Variants in CA13 observed in about 807,000 individuals in gnomAD.
The protein encoded by CA13 is carbonic anhydrase 13, also known as CA-XIII.
A neutral mutation model predicts 31.5 loss-of-function variants in CA13; 21 were observed. The ratio of observed to expected loss-of-function variants is 0.67; its 90% CI spans 0.47 to 0.96. The LOEUF (loss-of-function observed/expected upper bound fraction) is 0.96. Among genes scored for constraint, CA13 ranks in the 40% least tolerant of loss-of-function variants. The probability of loss-of-function intolerance (pLI) is 0.00; values close to 1 mark genes in which losing one functional copy is unlikely to be tolerated. For missense variants in CA13, 315 were observed against 318.9 expected, an observed-to-expected ratio of 0.99 and a Z score of 0.09; for synonymous variants, 117 against 111.4, an observed-to-expected ratio of 1.05 and a Z score of -0.32.
intron 6 of CA13, among the ~76,000 whole-genome samples, chr8:85,279,668 A>G (rs913358489): frequency 3.9e-5 from 6 of 152,158 alleles, no homozygotes; most frequent in African/African-American, 1.4e-4. Context: ...TCTTCAGAAG[A>G]ATCAGCGGTA....
chr8:85,249,793 A>G (rs1420940076), intron 1 of CA13: 1 of 445,698 alleles, frequency 2.2e-6, no homozygotes, highest in Non-Finnish European at 4.5e-6. Flanking sequence ...CTATAAAGTG[A>G]CTCACATCTG....
intron 4 of CA13, 79 bp downstream of exon 4, chr8:85,266,782 A>C (rs1386331082): frequency 9.9e-7 from 1 of 1,014,110 alleles, no homozygotes; most frequent in African/African-American, 1.6e-5. Context: ...ACATTCAACC[A>C]TCTTGTTTAA....
At chr8:85,265,849 A>G (rs1807448815) in intron 3 of CA13, among the ~76,000 whole-genome samples, 1 of 152,266 alleles carries the variant, frequency 6.6e-6, no homozygotes, top group Non-Finnish European at 1.5e-5. Flanking sequence ...GCTACTTAAC[A>G]TGATTACATG....
chr8:85,246,017 G>C (rs560449703), intron 1 of CA13, 152 bp downstream of exon 1: 164 of 885,672 alleles, frequency 1.9e-4, no homozygotes, highest in Admixed American at 3.0e-4. Context: ...TGGGAGCCCA[G>C]TGCGAGAAGC....
At position 85,283,780 on chromosome 8, in the gene CA13, C is replaced by T. The variant is rs1807741536; in HGVS notation, c.*2431C>T. The T allele has an allele frequency of 2.0e-5, 3 of 152,618 alleles. No homozygotes were observed. The highest frequency in any genetic ancestry group is 7.2e-5 in the African/African-American group (3 of 41,444). 9.5% of individuals were successfully genotyped at this position (152,618 alleles called of 1,614,324 possible). ...ACTACTTTGTAACTTATGGTTTCTGCTTCAGTATTGTGTTGGTTCTGTATT... is the reference window on the plus strand; with the variant it reads ...ACTACTTTGTAACTTATGGTTTCTGTTTCAGTATTGTGTTGGTTCTGTATT... On this transcript the variant is annotated 3_prime_UTR_variant, in exon 7 of 7. Transcript: ENST00000321764.
At chr8:85,256,371 C>T (rs79171877) in intron 2 of CA13, among the ~76,000 whole-genome samples, 2 of 152,190 alleles carry the variant, frequency 1.3e-5, no homozygotes, top group African/African-American at 4.8e-5. Flanking sequence ...AAAAAGATAT[C>T]AAAAAGAAAG....
At chr8:85,263,459 C>T (rs764831138) in intron 3 of CA13, among the ~76,000 whole-genome samples, 1 of 152,150 alleles carries the variant, frequency 6.6e-6, no homozygotes, top group Non-Finnish European at 1.5e-5. Context: ...TTATGGAAGT[C>T]ATTCAAGTGA....
intron 1 of CA13, among the ~76,000 whole-genome samples, chr8:85,249,612 C>T (rs892557360): frequency 2.0e-5 from 3 of 151,604 alleles, no homozygotes; most frequent in Admixed American, 6.6e-5. Context: ...TTTTGGTTGT[C>T]GTTAGTAACA....
chr8:85,253,283 G>C (rs1807226891), intron 2 of CA13, among the ~76,000 whole-genome samples: 1 of 148,548 alleles, frequency 6.7e-6, no homozygotes, highest in Non-Finnish European at 1.5e-5. Flanking sequence ...TTATTTTTTT[G>C]AGACAAGGTC....
At chr8:85,271,497 A>G (rs1807525601) in intron 6 of CA13, among the ~76,000 whole-genome samples, 1 of 152,172 alleles carries the variant, frequency 6.6e-6, no homozygotes, top group South Asian at 2.1e-4. Flanking sequence ...GAGCAGATAA[A>G]TGTACTATTT....
intron 6 of CA13, among the ~76,000 whole-genome samples, chr8:85,279,410 C>T (rs1386341092): frequency 6.6e-6 from 1 of 152,180 alleles, no homozygotes; most frequent in African/African-American, 2.4e-5. Context: ...AATACAGGGT[C>T]GACCTAGCTG....
At chr8:85,247,459 A>T (rs1452355122) in intron 1 of CA13, among the ~76,000 whole-genome samples, 1 of 152,166 alleles carries the variant, frequency 6.6e-6, no homozygotes, top group Non-Finnish European at 1.5e-5. Flanking sequence ...TTTCTTTTAG[A>T]TGCGATCTCT....
chr8:85,264,176 C>G (rs560951730), intron 3 of CA13, among the ~76,000 whole-genome samples: 66 of 152,180 alleles, frequency 4.3e-4, no homozygotes, highest in Non-Finnish European at 8.4e-4. Context: ...AAAGTTTAGG[C>G]AGAATATATA....
At position 85,245,596 on chromosome 8, in the gene CA13, T is replaced by C. The variant is rs1242749487; in HGVS notation, c.-233T>C. On this transcript the variant is annotated 5_prime_UTR_variant, in exon 1 of 7. Coordinates refer to ENST00000321764, the MANE Select transcript of CA13 (RefSeq NM_198584.3). ...AAATCTCTCATTCCCGAGTCCAAAC[T>C]AAGAGAGACTCGCGCCCCAGGAGTC... is the stretch of plus-strand genomic sequence containing the variant. The C allele has an allele frequency of 3.5e-6, 2 of 567,442 alleles. No individual in the cohort carries two copies. Among genetic ancestry groups the C allele is most frequent in the Non-Finnish European group, 6.2e-6 (2 of 321,044 alleles). The allele number at this position is 567,442 out of a possible 1,614,324, so 35.2% of individuals were successfully genotyped here.
chr8:85,254,667 C>G (rs1421324101), intron 2 of CA13, among the ~76,000 whole-genome samples: 1 of 151,274 alleles, frequency 6.6e-6, no homozygotes, highest in African/African-American at 2.4e-5. Context: ...AAATATGGGT[C>G]ATGATTCTTA....
At chr8:85,254,604 T>A (rs1807255979) in intron 2 of CA13, among the ~76,000 whole-genome samples, 2 of 152,146 alleles carry the variant, frequency 1.3e-5, no homozygotes, top group Admixed American at 1.3e-4. Context: ...TTACCAGGAT[T>A]AATTGAAAAT....
At chr8:85,255,705 TC>T (rs1432750363) in intron 2 of CA13, among the ~76,000 whole-genome samples, 1 of 152,120 alleles carries the variant, frequency 6.6e-6, no homozygotes, top group Non-Finnish European at 1.5e-5. Flanking sequence ...TAGGAAGACT[TC>T]CAATTGGCTG....
In CA13 at chr8:85,266,606, A is replaced by G. The variant is rs1328354816; in HGVS notation, c.355-2A>G. ...CTACTATGTTGTATATCTCCCTTTC[A>G]GCTCCATGTTGTTCACTGGAATTCA... On this transcript the variant is annotated splice_acceptor_variant, in intron 3 of 6. Coordinates refer to ENST00000321764, the MANE Select transcript of CA13 (RefSeq NM_198584.3). LOFTEE classifies it high-confidence loss of function. 9.9e-6 allele frequency: 16 copies of G among 1,611,380 alleles called. No homozygotes were observed. Among genetic ancestry groups the G allele is most frequent in the South Asian group, 2.2e-5 (2 of 90,784 alleles).
rs538899126 is a variant in CA13, at chr8:85,277,167, C to A, written c.670-4063C>A. On this transcript the variant is annotated intron_variant, in intron 6 of 6. Coordinates refer to ENST00000321764, the MANE Select transcript of CA13 (RefSeq NM_198584.3). ...CAACCCACTGAGGTCTTCTTCCACA[C>A]CGTGGAAGCTCTGTTCTTTCCCTCT... is the stretch of plus-strand genomic sequence containing the variant. Among the ~76,000 whole-genome samples the A allele has an allele frequency of 2.0e-5, 3 of 152,296 alleles. No homozygotes were observed. The South Asian group carries it at 6.2e-4, about 32-fold the overall frequency.
Sources: gnomAD v4.1 joint callset for allele counts (sites outside exome capture counted in the v4.1 genomes callset) on GRCh38, gnomAD v4.1.1 for gene constraint, MANE v1.5 for transcripts, NCBI Gene and HGNC (gene_info 2026-07-23, HGNC 2026-07-21) for gene names.